The following HDAC9 variants were observed in gnomAD, a reference collection of about 807,000 sequenced individuals.
HDAC9 encodes the protein MEF-2 interacting transcription repressor (MITR) protein.
Under a neutral mutation model 139.4 loss-of-function variants are expected in HDAC9, and 41 were observed. The ratio of observed to expected loss-of-function variants is 0.29; its 90% CI spans 0.23 to 0.38. The LOEUF (loss-of-function observed/expected upper bound fraction) is 0.38. HDAC9 is among the 10% of genes least tolerant of loss of function. The pLI is 1.00. For synonymous variants in HDAC9, 517 were observed against 476.2 expected (o/e 1.09, Z -1.12); for missense variants, 1,147 against 1,297.0 (o/e 0.88, Z 1.78).
chr7:18,312,807 A>G (rs992268335), intron 1 of HDAC9, among the ~76,000 whole-genome samples: 1 of 152,110 alleles, frequency 6.6e-6, no homozygotes, highest in Non-Finnish European at 1.5e-5. Context: ...CTTGCCCTAG[A>G]CAATCTTCTC....
chr7:18,140,434 C>A (rs918840443), intron 1 of HDAC9, among the ~76,000 whole-genome samples: 1 of 151,990 alleles, frequency 6.6e-6, no homozygotes, highest in African/African-American at 2.4e-5. Flanking sequence ...TGTCTTCCAC[C>A]GAACTTTAAA....
intron 1 of HDAC9, chr7:18,395,098 A>G (rs915972819): frequency 6.6e-6 from 1 of 152,150 alleles, no homozygotes; most frequent in African/African-American, 2.4e-5. Flanking sequence ...GCACTGTTTG[A>G]CTTTCTACCA....
chr7:18,445,680 A>T (rs1213441605), intron 1 of HDAC9, among the ~76,000 whole-genome samples: 1 of 152,218 alleles, frequency 6.6e-6, no homozygotes, highest in East Asian at 1.9e-4. Context: ...CTATTCCCAA[A>T]TGCCCCGAGG....
chr7:18,163,323 A>G (rs150183503), intron 2 of HDAC9, among the ~76,000 whole-genome samples: 144 of 152,292 alleles, frequency 9.5e-4, no homozygotes, highest in African/African-American at 3.3e-3. Context: ...TTTAGTCACA[A>G]CCATGTTTGA....
At chr7:18,174,496 G>A (rs1023046412) in intron 2 of HDAC9, among the ~76,000 whole-genome samples, 4 of 152,212 alleles carry the variant, frequency 2.6e-5, no homozygotes, top group African/African-American at 9.6e-5. Flanking sequence ...TCCATTGCTG[G>A]CGAGGAGCTG....
At chr7:18,201,934 G>A (rs1791159830) in intron 2 of HDAC9, among the ~76,000 whole-genome samples, 1 of 152,160 alleles carries the variant, frequency 6.6e-6, no homozygotes, top group African/African-American at 2.4e-5. Context: ...GGCACCATGG[G>A]AACGTGCTCA....
intron 1 of HDAC9, among the ~76,000 whole-genome samples, chr7:18,099,292 T>A (rs1782699358): frequency 6.6e-6 from 1 of 151,962 alleles, no homozygotes; most frequent in African/African-American, 2.4e-5. Flanking sequence ...AAATCCTGTT[T>A]CTACTAAAAA....
intron 22 of HDAC9, among the ~76,000 whole-genome samples, chr7:18,925,036 A>C (rs1339984745): frequency 6.6e-6 from 1 of 152,234 alleles, no homozygotes; most frequent in Non-Finnish European, 1.5e-5. Context: ...TTTCCTTTTC[A>C]AACTGAAAAA....
chr7:18,939,639 A>G (rs954542782), intron 23 of HDAC9, among the ~76,000 whole-genome samples: 1 of 152,192 alleles, frequency 6.6e-6, no homozygotes, highest in African/African-American at 2.4e-5. Flanking sequence ...GGCGTATTAC[A>G]TGTACTTCAC....
chr7:18,370,159 G>A (rs1784487000), intron 1 of HDAC9, among the ~76,000 whole-genome samples: 2 of 152,136 alleles, frequency 1.3e-5, no homozygotes, highest in South Asian at 2.1e-4. Flanking sequence ...CATTGTGCAT[G>A]TATTCTATAG....
chr7:18,927,374 T>C (rs747141453), intron 22 of HDAC9, among the ~76,000 whole-genome samples: 4 of 152,164 alleles, frequency 2.6e-5, no homozygotes, highest in African/African-American at 4.8e-5. Flanking sequence ...AGCCTCACAA[T>C]ACATGAGACT....
intron 22 of HDAC9, among the ~76,000 whole-genome samples, chr7:18,893,398 G>T (rs1296710762): frequency 1.3e-5 from 2 of 152,126 alleles, no homozygotes; most frequent in Non-Finnish European, 2.9e-5. Context: ...AGAAAAGAAA[G>T]TGACTAATTC....
intron 1 of HDAC9, among the ~76,000 whole-genome samples, chr7:18,127,547 C>G (rs1784745376): frequency 6.6e-6 from 1 of 151,994 alleles, no homozygotes; most frequent in African/African-American, 2.4e-5. Context: ...TAACTGGGGA[C>G]CTTATTCTCT....
chr7:18,969,266 T>C (rs1256349495), intron 24 of HDAC9, among the ~76,000 whole-genome samples: 2 of 152,112 alleles, frequency 1.3e-5, no homozygotes, highest in Non-Finnish European at 2.9e-5. Context: ...AGAGATCTTA[T>C]AATACACAAG....
intron 2 of HDAC9, among the ~76,000 whole-genome samples, chr7:18,221,074 G>A (rs1792663819): frequency 6.7e-6 from 1 of 149,772 alleles, no homozygotes; most frequent in Non-Finnish European, 1.5e-5. Flanking sequence ...ATTCCACAGT[G>A]ACAATTTCTA....
At chr7:18,614,672 T>A (rs1838103058) in intron 6 of HDAC9, among the ~76,000 whole-genome samples, 1 of 152,210 alleles carries the variant, frequency 6.6e-6, no homozygotes, top group African/African-American at 2.4e-5. Flanking sequence ...CAACATTCTC[T>A]TTTTTCGACC....
At chr7:18,917,304 G>C (rs966464006) in intron 22 of HDAC9, among the ~76,000 whole-genome samples, 6 of 151,792 alleles carry the variant, frequency 4.0e-5, no homozygotes, top group Admixed American at 3.3e-4. Flanking sequence ...TGGACCTCTG[G>C]ATATGAATTT....
At chr7:18,884,172 T>C (rs1329421000) in intron 22 of HDAC9, among the ~76,000 whole-genome samples, 1 of 152,132 alleles carries the variant, frequency 6.6e-6, no homozygotes, top group East Asian at 1.9e-4. Flanking sequence ...CCCAATGACA[T>C]TTTTCACAGA....
At chr7:18,311,768 A>C (rs596699) in intron 1 of HDAC9, among the ~76,000 whole-genome samples, 104,219 of 152,058 alleles carry the variant, frequency 0.69, 36,472 homozygotes, top group South Asian at 0.81. Context: ...ACAGCCTCAA[A>C]TTTTCTAAAT....
Sources: allele counts gnomAD v4.1 joint callset (sites outside exome capture counted in the v4.1 genomes callset), GRCh38; gene constraint gnomAD v4.1.1; transcripts MANE v1.5; gene names NCBI Gene and HGNC (gene_info 2026-07-23, HGNC 2026-07-21).